ABCC4: variants seen among roughly 807,000 people sequenced by gnomAD.
ABCC4 encodes ATP-binding cassette sub-family C member 4.
Under a neutral mutation model 168.5 loss-of-function variants are expected in ABCC4, and 102 were observed. The ratio of observed to expected loss-of-function variants is 0.61; its 90% CI spans 0.52 to 0.71. The LOEUF is 0.71. ABCC4 is among the 30% of genes least tolerant of loss of function. The pLI is 0.00. For missense variants in ABCC4, 1,402 were observed against 1,605.8 expected, an observed-to-expected ratio of 0.87 and a Z score of 2.17; for synonymous variants, 617 against 590.7, an observed-to-expected ratio of 1.04 and a Z score of -0.65.
rs775354490 is a variant in ABCC4 at position 95,194,885 on chromosome 13, T to G, written c.1214A>C (p.Asp405Ala). Residue 405 changes from aspartate to alanine, a missense_variant, in exon 9 of 31, where the codon GAT becomes GCT. Physicochemically the swap from Asp to Ala is moderately radical, Grantham distance 126 (BLOSUM62 -2). Around this residue, in one of 3 missense-constraint regions of ABCC4, gnomAD observed 1,007 missense variants for 1,127.3 expected, o/e 0.89. Transcript: ENST00000645237. The stretch of plus-strand genomic sequence containing the variant: ...CTGCACATGCACCATCTTTTTACCA[T>G]CTGACGGCAGCTGACGGTTGCGCTG... ...ISQRNRQLPS[D>A]GKKMVHVQDF... The G allele has an allele frequency of 1.2e-6, 2 of 1,614,168 alleles. No homozygotes were observed. The highest frequency in any genetic ancestry group is 2.2e-5 in the South Asian group (2 of 91,070).
intron 1 of ABCC4, among the ~76,000 whole-genome samples, chr13:95,296,878 G>C (rs903926808): frequency 6.6e-6 from 1 of 152,234 alleles, no homozygotes; most frequent in East Asian, 1.9e-4. Context: ...ATGATAATGG[G>C]GAAAACGAGC....
chr13:95,221,972 A>T (rs2138716429), intron 4 of ABCC4, among the ~76,000 whole-genome samples: 1 of 152,286 alleles, frequency 6.6e-6, no homozygotes, highest in Middle Eastern at 3.4e-3. Flanking sequence ...CACAAATTAA[A>T]TATACAGATT....
chr13:95,196,619 A>C (rs1419738384), intron 8 of ABCC4, among the ~76,000 whole-genome samples: 130 of 7,306 alleles, frequency 0.018, 4 homozygotes, highest in African/African-American at 0.063. Context: ...GAAGGAAGGA[A>C]GGAAGGAAGG....
chr13:95,031,043 T>A (rs918150400), intron 30 of ABCC4, among the ~76,000 whole-genome samples: 1 of 152,198 alleles, frequency 6.6e-6, no homozygotes, highest in African/African-American at 2.4e-5. Context: ...ACAAATGAAT[T>A]CTAATCTGTG....
intron 14 of ABCC4, among the ~76,000 whole-genome samples, chr13:95,167,833 G>A (rs1002842168): frequency 1.3e-5 from 2 of 152,124 alleles, no homozygotes; most frequent in African/African-American, 4.8e-5. Context: ...AAGCAAGAAT[G>A]GACACACATT....
At chr13:95,300,416 G>C (rs1295385692) in intron 1 of ABCC4, among the ~76,000 whole-genome samples, 2 of 152,174 alleles carry the variant, frequency 1.3e-5, no homozygotes, top group African/African-American at 4.8e-5. Context: ...CAGTCGTGGC[G>C]GTGCATGTCC....
chr13:95,075,565 CAG>C lies in ABCC4; in HGVS notation c.2687-16_2687-15del, dbSNP rs755397063. On this transcript the variant is annotated splice_polypyrimidine_tract_variant and intron_variant, in intron 21 of 30. Transcript: ENST00000645237. ...CTGGACTCCGAGCTGGGGAAACAGACAGAGAAAACAGCTCAGTGAGGCTGGGT... is the reference window on the plus strand; with the variant it reads ...CTGGACTCCGAGCTGGGGAAACAGACAGAAAACAGCTCAGTGAGGCTGGGT... 1.2e-5 allele frequency: 19 copies of C among 1,613,776 alleles called. No individual in the cohort carries two copies. The East Asian group carries it at 4.0e-4, about 34-fold the overall frequency.
At chr13:95,244,216 G>T (rs1187417315) in intron 3 of ABCC4, among the ~76,000 whole-genome samples, 2 of 152,042 alleles carry the variant, frequency 1.3e-5, no homozygotes, top group African/African-American at 2.4e-5. Flanking sequence ...CTGAATCTGG[G>T]CTCTGTCATT....
At chr13:95,262,633 T>A (rs2040561053) in intron 1 of ABCC4, among the ~76,000 whole-genome samples, 1 of 79,384 alleles carries the variant, frequency 1.3e-5, no homozygotes, top group Admixed American at 1.2e-4. Flanking sequence ...CACTTAGACT[T>A]TTTTTTTTTT....
chr13:95,246,918 G>A (rs1389051220), intron 3 of ABCC4, 57 bp downstream of exon 3: 55 of 1,573,754 alleles, frequency 3.5e-5, no homozygotes, highest in South Asian at 1.8e-4. Flanking sequence ...AGTCAATGGC[G>A]AGCACATTTA....
intron 4 of ABCC4, among the ~76,000 whole-genome samples, chr13:95,232,896 A>G (rs937202199): frequency 6.6e-6 from 1 of 152,214 alleles, no homozygotes; most frequent in Admixed American, 6.5e-5. Flanking sequence ...CAAATAAAAT[A>G]AGAAAATATC....
chr13:95,230,731 T>C (rs1286191299), intron 4 of ABCC4, among the ~76,000 whole-genome samples: 1 of 152,174 alleles, frequency 6.6e-6, no homozygotes, highest in Non-Finnish European at 1.5e-5. Flanking sequence ...GCTGAGATCA[T>C]GCCACTGCAC....
chr13:95,048,172 C>G (rs1019705941), intron 27 of ABCC4, among the ~76,000 whole-genome samples: 1 of 152,142 alleles, frequency 6.6e-6, no homozygotes, highest in Non-Finnish European at 1.5e-5. Flanking sequence ...GATATCATAA[C>G]ATTATACTTT....
chr13:95,207,933 G>A lies in ABCC4; in HGVS notation c.786-8C>T. 6.2e-7 allele frequency: 1 copy of A among 1,612,268 alleles called. No homozygotes were observed. Among genetic ancestry groups the A allele is most frequent in the Non-Finnish European group, 8.5e-7 (1 of 1,179,572 alleles). ...AAAGTTGCAGTTTTACTCCTAAGGG[G>A]AACCAGACACGGGAGATGAGCCTGA... On this transcript the variant is annotated splice_region_variant and splice_polypyrimidine_tract_variant and intron_variant, in intron 6 of 30. Transcript: ENST00000645237.
At chr13:95,206,822 A>G (rs2038796522) in intron 7 of ABCC4, 41 bp from the exon 8 acceptor site, 2 of 1,606,696 alleles carry the variant, frequency 1.2e-6, no homozygotes, top group East Asian at 4.5e-5. Context: ...AGTGATGTCA[A>G]CCAGATAAAG....
At chr13:95,251,293 T>C (rs1214415464) in intron 1 of ABCC4, among the ~76,000 whole-genome samples, 3 of 152,204 alleles carry the variant, frequency 2.0e-5, no homozygotes, top group Non-Finnish European at 4.4e-5. Context: ...AGCTCTCTTT[T>C]AGCCCTCTCT....
At chr13:95,151,545 A>AAG (rs1555321552) in intron 19 of ABCC4, among the ~76,000 whole-genome samples, 1 of 141,558 alleles carries the variant, frequency 7.1e-6, no homozygotes, top group Non-Finnish European at 1.5e-5. Flanking sequence ...ATGAAGAAGG[A>AAG]AGGAGGAGGA....
rs765169776 is a variant in ABCC4, at chr13:95,210,774, C to T, written c.539G>A (p.Arg180His). The change falls in exon 5 of 31, where the codon CGT becomes CAT. Residue 180 changes from arginine (R) to histidine (H), a missense_variant. Transcript: ENST00000645237. ...CTTCCCCATGGCCATGTTACTAAGA[C>T]GAAGTGCCTGAAATAAAAGAGGTAA... ...MCHMIYRKAL[R>H]LSNMAMGKTT... 76 of 1,613,206 alleles carry T rather than the reference C, an allele frequency of 4.7e-5. No homozygotes were observed. The highest frequency in any genetic ancestry group is 6.1e-5 in the Non-Finnish European group (72 of 1,179,342).
At chr13:95,040,560 A>G (rs895090669) in intron 29 of ABCC4, among the ~76,000 whole-genome samples, 1 of 152,130 alleles carries the variant, frequency 6.6e-6, no homozygotes, top group Non-Finnish European at 1.5e-5. Flanking sequence ...CTACCTTCAC[A>G]TTAGTTCTTT....
Sources: allele counts gnomAD v4.1 joint callset (sites outside exome capture counted in the v4.1 genomes callset), GRCh38; gene constraint gnomAD v4.1.1; regional missense constraint gnomAD v4.1.1; transcripts MANE v1.5; gene names NCBI Gene and HGNC (gene_info 2026-07-23, HGNC 2026-07-21).